The following TOP3A variants were observed in gnomAD, a reference collection of about 807,000 sequenced individuals.
The protein encoded by TOP3A is DNA topoisomerase III alpha.
A neutral mutation model predicts 111.3 loss-of-function variants in TOP3A; 64 were observed. The ratio of observed to expected loss-of-function variants is 0.57; its 90% confidence interval spans 0.47 to 0.71. The LOEUF is 0.71. TOP3A is among the 30% of genes least tolerant of loss of function. The pLI is 0.00. For missense variants in TOP3A, 1,104 were observed against 1,285.0 expected, an observed-to-expected ratio of 0.86 and a Z score of 2.15; for synonymous variants, 484 against 485.1, an observed-to-expected ratio of 1.00 and a Z score of 0.03.
chr17:18,306,799 A>G, intron 4 of TOP3A, 92 bp downstream of exon 4: 1 of 861,392 alleles, frequency 1.2e-6, no homozygotes, highest in Non-Finnish European at 1.9e-6. Flanking sequence ...GGAAAACCTT[A>G]TCTCCAAATG....
intron 8 of TOP3A, among the ~76,000 whole-genome samples, chr17:18,301,263 T>C (rs2142982266): frequency 6.6e-6 from 1 of 152,230 alleles, no homozygotes; most frequent in South Asian, 2.1e-4. Flanking sequence ...CAGGAAACAT[T>C]AGGGTGGGTC....
intron 9 of TOP3A, among the ~76,000 whole-genome samples, chr17:18,297,659 T>C (rs4608392): frequency 6.6e-6 from 1 of 151,716 alleles, no homozygotes; most frequent in Non-Finnish European, 1.5e-5. Flanking sequence ...TCCTAACCGC[T>C]AGTGATCCGC....
In TOP3A at chr17:18,290,655, A is replaced by C. The variant is rs752197968; in HGVS notation, c.1499T>G (p.Phe500Cys). The C allele has an allele frequency of 1.2e-6, 2 of 1,608,662 alleles. No homozygotes were observed. The highest frequency in any genetic ancestry group is 1.7e-6 in the Non-Finnish European group (2 of 1,176,448). Residue 500 changes from phenylalanine to cysteine, a missense_variant, in exon 13 of 19, where the codon TTT (phenylalanine) becomes TGT (cysteine). Coordinates refer to ENST00000321105, the MANE Select transcript of TOP3A (RefSeq NM_004618.5). ...ILPVYEQGSH[F>C]QPSTVEMVDG... is the part of the protein sequence containing the mutation. Reference sequence around the variant, plus strand: ...CACCATCTCCACGGTGCTGGGCTGAAAGTGGGATCCTTGCTCATAGACAGG... The same window carrying C: ...CACCATCTCCACGGTGCTGGGCTGACAGTGGGATCCTTGCTCATAGACAGG...
At chr17:18,288,564 C>G (rs9891934) in intron 13 of TOP3A, among the ~76,000 whole-genome samples, 3,935 of 152,282 alleles carry the variant, frequency 0.026, 170 homozygotes, top group African/African-American at 0.084. Flanking sequence ...AGCCCTTCAA[C>G]TGGGCAAGCC....
intron 4 of TOP3A, among the ~76,000 whole-genome samples, chr17:18,306,046 GCA>G (rs1453163339): frequency 1.3e-5 from 2 of 151,132 alleles, no homozygotes; most frequent in African/African-American, 2.4e-5. Context: ...TGTTAAAAAT[GCA>G]CAAATTAGCC....
chr17:18,308,707 T>C (rs1981735542), intron 2 of TOP3A, 175 bp downstream of exon 2: 3 of 484,558 alleles, frequency 6.2e-6, no homozygotes, highest in South Asian at 4.1e-5. Context: ...GATGGGACCA[T>C]ATTTTATTAA....
chr17:18,285,390 G>A lies in TOP3A; in HGVS notation c.1711+17C>T, dbSNP rs777626657. The A allele has an allele frequency of 6.2e-7, 1 of 1,613,864 alleles. No individual in the cohort carries two copies. The highest frequency in any genetic ancestry group is 1.1e-5 in the South Asian group (1 of 91,042). On this transcript the variant is annotated intron_variant, in intron 14 of 18. Coordinates refer to ENST00000321105, the MANE Select transcript of TOP3A (RefSeq NM_004618.5). The stretch of plus-strand genomic sequence containing the variant: ...CGACACCACCCACTACCCACTGCAA[G>A]CTCTGTCCTCCCTTACCTTCCACAA...
chr17:18,299,540 C>T lies in TOP3A; in HGVS notation c.990+19G>A. ...GTAAGTGTTCCCCGAGTGCCTGAAA[C>T]AGCCTGTCTGGAACATACCACAGTG... is the stretch of plus-strand genomic sequence containing the variant. On this transcript the variant is annotated intron_variant, in intron 9 of 18. Coordinates refer to ENST00000321105, the MANE Select transcript of TOP3A (RefSeq NM_004618.5). 1 of 1,613,028 alleles carries T rather than the reference C, an allele frequency of 6.2e-7. No homozygotes were observed. The highest frequency in any genetic ancestry group is 2.2e-5 in the East Asian group (1 of 44,876).
chr17:18,278,424 G>C, intron 17 of TOP3A, 67 bp from the exon 18 acceptor site: 1 of 1,430,106 alleles, frequency 7.0e-7, no homozygotes, highest in East Asian at 2.3e-5. Flanking sequence ...AGTCCAGTGA[G>C]GGCTGCTTTA....
Position 18,314,941 on chromosome 17 carries a change from C to G in TOP3A, c.-163G>C, listed in dbSNP as rs116344303. On this transcript the variant is annotated 5_prime_UTR_variant, in exon 1 of 19. Transcript: ENST00000321105. ...GGAGCTTCAGTCACTGAGCCTTTCC[C>G]GTGCCGCAGCCGCCGCCTCAGCACC... The G allele has an allele frequency of 5.6e-3, 1,430 of 255,276 alleles. 11 individuals carry two copies. Among genetic ancestry groups the G allele is most frequent in the Middle Eastern group, 0.023 (17 of 728 alleles). The allele number at this position is 255,276 out of a possible 1,614,324, so 15.8% of individuals were successfully genotyped here. A position where few individuals can be genotyped will look rare whatever the true frequency, so the allele number is the denominator to read the frequency against.
intron 11 of TOP3A, 81 bp from the exon 12 acceptor site, chr17:18,291,108 A>C (rs1980451952): frequency 7.0e-7 from 1 of 1,436,786 alleles, no homozygotes; most frequent in African/African-American, 1.4e-5. Flanking sequence ...GCCTTAGCCT[A>C]ATGTCCTGCA....
chr17:18,277,061 G>T (rs1268128947), intron 18 of TOP3A, among the ~76,000 whole-genome samples: 1 of 151,956 alleles, frequency 6.6e-6, no homozygotes, highest in Non-Finnish European at 1.5e-5. Flanking sequence ...GTGCATGCCT[G>T]TAATCCCAGC....
chr17:18,314,108 T>C (rs539270339), intron 1 of TOP3A, among the ~76,000 whole-genome samples: 1 of 144,720 alleles, frequency 6.9e-6, no homozygotes, highest in South Asian at 2.1e-4. Context: ...AAGTGTGCAC[T>C]GTGAGGCTGG....
At chr17:18,277,531 G>A in intron 18 of TOP3A, 144 bp downstream of exon 18, 1 of 811,828 alleles carries the variant, frequency 1.2e-6, no homozygotes, top group Non-Finnish European at 1.9e-6. Flanking sequence ...GTGATCAAGT[G>A]AGGAAAAGTG....
At position 18,280,562 on chromosome 17, in the gene TOP3A, T is replaced by C. The variant is rs1567735265; in HGVS notation, c.2118A>G (p.Pro706=). 1 of 1,613,740 alleles carries C rather than the reference T, an allele frequency of 6.2e-7. No homozygotes were observed. The change falls in exon 17 of 19, where the codon CCA becomes CCG. Residue 706 remains proline (P), a synonymous_variant. Transcript: ENST00000321105. ...LEASRDSSVC[P]VCQPHPVYRL... ...TGTACACAGGGTGTGGCTGACAAAC[T>C]GGACACACACTGCTGTCCCTGCTGG...
At chr17:18,304,382 T>C (rs935194787) in intron 5 of TOP3A, among the ~76,000 whole-genome samples, 4 of 152,326 alleles carry the variant, frequency 2.6e-5, no homozygotes, top group East Asian at 1.9e-4. Flanking sequence ...ATATAGGACA[T>C]ATACACACTG....
rs1367657159 is a variant in TOP3A at position 18,306,878 on chromosome 17, C to G, written c.390+13G>C. The G allele has an allele frequency of 6.3e-7, 1 of 1,591,114 alleles. No homozygotes were observed. Among genetic ancestry groups the G allele is most frequent in the Admixed American group, 1.7e-5 (1 of 59,818 alleles). Reference sequence around the variant, plus strand: ...GTTTGACTCAGTGCCATATGTCTTCCAAAAGACCCTACCTTGATGTCTACA... The same window carrying G: ...GTTTGACTCAGTGCCATATGTCTTCGAAAAGACCCTACCTTGATGTCTACA... On this transcript the variant is annotated intron_variant, in intron 4 of 18. Coordinates refer to ENST00000321105, the MANE Select transcript of TOP3A (RefSeq NM_004618.5).
chr17:18,299,764 G>A, intron 8 of TOP3A, 131 bp from the exon 9 acceptor site: 1 of 796,514 alleles, frequency 1.3e-6, no homozygotes, highest in East Asian at 2.5e-5. Flanking sequence ...TGACAGCCTA[G>A]AAGAGTGCCC....
chr17:18,297,449 T>C (rs1259422878), intron 9 of TOP3A, among the ~76,000 whole-genome samples: 1 of 151,706 alleles, frequency 6.6e-6, no homozygotes, highest in Non-Finnish European at 1.5e-5. Context: ...TCCCTCTCCC[T>C]CTCCCCACGG....
Sources: gnomAD v4.1 joint callset for allele counts (sites outside exome capture counted in the v4.1 genomes callset) on GRCh38, gnomAD v4.1.1 for gene constraint, MANE v1.5 for transcripts, NCBI Gene and HGNC (gene_info 2026-07-23, HGNC 2026-07-21) for gene names.